The following MYRF variants were observed in gnomAD, a reference collection of about 807,000 sequenced individuals.
The protein encoded by MYRF is myelin gene regulatory factor.
Under a neutral mutation model 126.3 loss-of-function variants are expected in MYRF, and 16 were observed. The ratio of observed to expected loss-of-function variants is 0.13; its 90% CI spans 0.09 to 0.19. MYRF has a LOEUF of 0.19. MYRF is among the 10% of genes least tolerant of loss of function. MYRF has a pLI of 1.00. For synonymous variants in MYRF, 608 were observed against 635.3 expected, an observed-to-expected ratio of 0.96 and a Z score of 0.65; for missense variants, 1,104 against 1,547.0, an observed-to-expected ratio of 0.71 and a Z score of 4.80.
Position 61,778,878 on chromosome 11 carries a change from G to A in MYRF, c.2014-385G>A, listed in dbSNP as rs777923504. ...CTGTCCTGAGTCTGGGCGCCAAGGAGGCATGTAATAGGTCTCCACCCCAGC... is the reference window on the plus strand; with the variant it reads ...CTGTCCTGAGTCTGGGCGCCAAGGAAGCATGTAATAGGTCTCCACCCCAGC... On this transcript the variant is annotated intron_variant, in intron 14 of 26. Coordinates refer to ENST00000278836, the MANE Select transcript of MYRF (RefSeq NM_001127392.3). The surrounding 1 kb of genome is among the most constrained non-coding windows in gnomAD (Gnocchi z 4.6). 1.7e-4 allele frequency: 96 copies of A among 553,950 alleles called. No homozygotes were observed. The highest frequency in any genetic ancestry group is 3.0e-4 in the Non-Finnish European group (88 of 290,460). The allele number at this position is 553,950 out of a possible 1,614,324, so 34.3% of individuals were successfully genotyped here. A position where few individuals can be genotyped will look rare whatever the true frequency, so the allele number is the denominator to read the frequency against.
At chr11:61,775,850 T>G (rs2066365084) in intron 8 of MYRF, among the ~76,000 whole-genome samples, 1 of 138,092 alleles carries the variant, frequency 7.2e-6, no homozygotes. Context: ...CTGTGAGGGG[T>G]GAGGAGGGTG....
chr11:61,781,618 AGTCCTG>A lies in MYRF; in HGVS notation c.2812_2817del (p.Ser938_Trp939del). 6.2e-7 allele frequency: 1 copy of A among 1,613,940 alleles called. No homozygotes were observed. The highest frequency in any genetic ancestry group is 8.5e-7 in the Non-Finnish European group (1 of 1,180,022). Reference sequence around the variant, plus strand: ...CTGCCAGTCACCAACATCAGAGCCAAGTCCTGGGGTCTTTCAGTCAATGGCATTGGC... The same window carrying A: ...CTGCCAGTCACCAACATCAGAGCCAAGGGTCTTTCAGTCAATGGCATTGGC... On this transcript the variant is annotated inframe_deletion, in exon 22 of 27. Coordinates refer to ENST00000278836, the MANE Select transcript of MYRF (RefSeq NM_001127392.3).
chr11:61,778,947 G>A lies in MYRF; in HGVS notation c.2014-316G>A. 1 of 608,102 alleles carries A rather than the reference G, an allele frequency of 1.6e-6. No individual in the cohort carries two copies. Among genetic ancestry groups the A allele is most frequent in the East Asian group, 3.5e-5 (1 of 28,300 alleles). 37.7% of individuals were successfully genotyped at this position (608,102 alleles called of 1,614,324 possible). ...CATCTGAGACACCAGTCATCCGAGG[G>A]GCAGATCCCGGGGCTGCAGCCTTCA... On this transcript the variant is annotated intron_variant, in intron 14 of 26. Transcript: ENST00000278836. This position sits in a 1 kb window ranked among gnomAD's most constrained non-coding sequence, Gnocchi z 4.6.
intron 24 of MYRF, 46 bp from the exon 25 acceptor site, chr11:61,784,234 A>T: frequency 6.4e-7 from 1 of 1,568,408 alleles, no homozygotes; most frequent in South Asian, 1.1e-5. Context: ...GCTGGGGTTG[A>T]GGGACTCTAG....
At position 61,778,021 on chromosome 11, in the gene MYRF, G is replaced by T. The variant is rs138479069; in HGVS notation, c.1903+176G>T. 1.3e-5 allele frequency among the ~76,000 whole-genome samples: 2 copies of T among 152,270 alleles called. No individual in the cohort carries two copies. Among genetic ancestry groups the T allele is most frequent in the African/African-American group, 4.8e-5 (2 of 41,558 alleles). On this transcript the variant is annotated intron_variant, in intron 13 of 26. Transcript: ENST00000278836. The surrounding 1 kb of genome is among the most constrained non-coding windows in gnomAD (Gnocchi z 4.6). ...GACCTTGGAAAATCGCACCTCTCCA[G>T]GTCCCCGGAACCTCGCCCCATTGTC...
rs370300145 is a variant in MYRF at position 61,786,167 on chromosome 11, C to T, written c.*24C>T. On this transcript the variant is annotated 3_prime_UTR_variant, in exon 27 of 27. Coordinates refer to ENST00000278836, the MANE Select transcript of MYRF (RefSeq NM_001127392.3). This position sits in a 1 kb window ranked among gnomAD's most constrained non-coding sequence, Gnocchi z 4.5. The stretch of plus-strand genomic sequence containing the variant: ...GAGCTGCCCTCCTGAGGCAGCACCA[C>T]ACCAGGGACCAGGGGTGCCCAGGCA... 1 of 1,610,814 alleles carries T rather than the reference C, an allele frequency of 6.2e-7. No homozygotes were observed. The highest frequency in any genetic ancestry group is 8.5e-7 in the Non-Finnish European group (1 of 1,177,038).
At chr11:61,779,598 G>A in intron 16 of MYRF, 28 bp downstream of exon 16, 1 of 1,471,368 alleles carries the variant, frequency 6.8e-7, no homozygotes, top group East Asian at 2.4e-5. Flanking sequence ...TGGCAGGCGG[G>A]TTGGAAAGGG....
At chr11:61,775,987 G>C in intron 8 of MYRF, 69 bp from the exon 9 acceptor site, 1 of 1,475,974 alleles carries the variant, frequency 6.8e-7, no homozygotes, top group African/African-American at 1.4e-5. Context: ...GCCTGGCTGA[G>C]AGGGGGCAGG....
At position 61,781,796 on chromosome 11, in the gene MYRF, T is replaced by G. The variant is rs754040052; in HGVS notation, c.2988T>G (p.Ala996=). Residue 996 remains alanine (A), a synonymous_variant, in exon 22 of 27, where the codon GCT becomes GCG. Coordinates refer to ENST00000278836, the MANE Select transcript of MYRF (RefSeq NM_001127392.3). ...CCCTCCAGTCCAGCGTGGGCCCTGC[T>G]GAGCCCACCTGGGCCCAGGGCCAGT... ...RGALQSSVGP[A]EPTWAQGQSA... is the part of the protein sequence containing the mutation. The G allele has an allele frequency of 6.3e-7, 1 of 1,588,406 alleles. No individual in the cohort carries two copies. The highest frequency in any genetic ancestry group is 8.5e-7 in the Non-Finnish European group (1 of 1,169,666).
intron 1 of MYRF, among the ~76,000 whole-genome samples, chr11:61,754,886 C>T (rs1344251050): frequency 6.6e-6 from 1 of 152,214 alleles, no homozygotes; most frequent in Non-Finnish European, 1.5e-5. Context: ...GGGGAAGGCC[C>T]ATGTGGGGGA....
intron 1 of MYRF, among the ~76,000 whole-genome samples, chr11:61,763,864 C>CA (rs900290691): frequency 0.013 from 1,861 of 145,592 alleles, 37 homozygotes; most frequent in African/African-American, 0.04. Flanking sequence ...GACTCAGTCT[C>CA]AAAAAAAAAA....
In MYRF at chr11:61,757,195, C is replaced by A. The variant is rs866021397; in HGVS notation, c.46+4405C>A. 1 of 456,748 alleles carries A rather than the reference C, an allele frequency of 2.2e-6. No homozygotes were observed. The highest frequency in any genetic ancestry group is 4.4e-6 in the Non-Finnish European group (1 of 226,964). 28.3% of individuals were successfully genotyped at this position (456,748 alleles called of 1,614,324 possible). A position where few individuals can be genotyped will look rare whatever the true frequency, so the allele number is the denominator to read the frequency against. The stretch of plus-strand genomic sequence containing the variant: ...TCTCCTATCTCCAGGCCTTCAGCCC[C>A]GGCTGCCACGGGGTGTGGGTACCTC... On this transcript the variant is annotated intron_variant, in intron 1 of 26. Coordinates refer to ENST00000278836, the MANE Select transcript of MYRF (RefSeq NM_001127392.3). The surrounding 1 kb of genome is among the most constrained non-coding windows in gnomAD (Gnocchi z 4.7).
Position 61,780,721 on chromosome 11 carries a change from C to T in MYRF, c.2415C>T (p.Ala805=), listed in dbSNP as rs142182853. The T allele has an allele frequency of 1.0e-3, 1,552 of 1,549,876 alleles. 11 individuals are homozygous for T. Among genetic ancestry groups the T allele is most frequent in the South Asian group, 4.9e-3 (413 of 84,068 alleles). The change falls in exon 19 of 27, where the codon GCC becomes GCT. Residue 805 remains alanine, a synonymous_variant. Transcript: ENST00000278836. ...EDLVDTDGSF[A]VSTSCLLALL... is the part of the protein sequence containing the mutation. ...TTTTGCTGCCCCTTAGCTCTTTTGCCGTGTCCACTTCCTGTCTCCTGGCCC... is the reference window on the plus strand; with the variant it reads ...TTTTGCTGCCCCTTAGCTCTTTTGCTGTGTCCACTTCCTGTCTCCTGGCCC...
chr11:61,777,513 C>T lies in MYRF; in HGVS notation c.1791+49C>T. ...GGGCGGGTCCAGACGCTGGAGCGGG[C>T]CGCGGGGGCGGGGCTCCTGGGGAGG... On this transcript the variant is annotated intron_variant, in intron 12 of 26. Transcript: ENST00000278836. The surrounding 1 kb of genome is among the most constrained non-coding windows in gnomAD (Gnocchi z 8.8). 6.5e-7 allele frequency: 1 copy of T among 1,528,308 alleles called. No homozygotes were observed. The highest frequency in any genetic ancestry group is 8.9e-7 in the Non-Finnish European group (1 of 1,129,832). The allele number at this position is 1,528,308 out of a possible 1,614,324, so 94.7% of individuals were successfully genotyped here. A position where few individuals can be genotyped will look rare whatever the true frequency, so the allele number is the denominator to read the frequency against.
intron 8 of MYRF, among the ~76,000 whole-genome samples, chr11:61,775,205 C>T (rs2066342619): frequency 6.6e-6 from 1 of 152,216 alleles, no homozygotes; most frequent in Non-Finnish European, 1.5e-5. Context: ...GGCCACAGCA[C>T]TCCCTATCCT....
Position 61,783,442 on chromosome 11 carries a change from G to T in MYRF, c.3017-56G>T, listed in dbSNP as rs2066605827. 1 of 1,398,630 alleles carries T rather than the reference G, an allele frequency of 7.1e-7. No homozygotes were observed. The highest frequency in any genetic ancestry group is 2.3e-5 in the East Asian group (1 of 43,530). The allele number at this position is 1,398,630 out of a possible 1,614,324, so 86.6% of individuals were successfully genotyped here. A position where few individuals can be genotyped will look rare whatever the true frequency, so the allele number is the denominator to read the frequency against. ...GACTGCTTCAAGTCTGGCAAGGAAA[G>T]ACTTGCCAGCTTCTCATTTGTGTCC... On this transcript the variant is annotated intron_variant, in intron 22 of 26. Coordinates refer to ENST00000278836, the MANE Select transcript of MYRF (RefSeq NM_001127392.3). This position sits in a 1 kb window ranked among gnomAD's most constrained non-coding sequence, Gnocchi z 4.6.
At chr11:61,769,375 G>T (rs2066146138) in intron 4 of MYRF, 54 bp downstream of exon 4, 2 of 1,460,850 alleles carry the variant, frequency 1.4e-6, no homozygotes, top group South Asian at 2.4e-5. Flanking sequence ...AGTAGTTGGG[G>T]CGGCCTTATC....
chr11:61,779,300 A>G lies in MYRF; in HGVS notation c.2051A>G (p.Glu684Gly). 6.5e-7 allele frequency: 1 copy of G among 1,548,888 alleles called. No homozygotes were observed. The highest frequency in any genetic ancestry group is 8.7e-7 in the Non-Finnish European group (1 of 1,146,856). The change falls in exon 15 of 27, where the codon GAG (glutamate) becomes GGG (glycine). Residue 684 changes from glutamate to glycine, a missense_variant. Physicochemically the swap from Glu to Gly is moderately conservative, Grantham distance 98. Coordinates refer to ENST00000278836, the MANE Select transcript of MYRF (RefSeq NM_001127392.3). ...ATGGAGAACGTAGGGGCCGTGAAGGAGCTGTGCAAGCTGACAGACAACCTG... is the reference window on the plus strand; with the variant it reads ...ATGGAGAACGTAGGGGCCGTGAAGGGGCTGTGCAAGCTGACAGACAACCTG... ...IFMENVGAVK[E>G]LCKLTDNLET...
chr11:61,766,950 C>T (rs1210097645), intron 3 of MYRF: 1 of 452,634 alleles, frequency 2.2e-6, no homozygotes, highest in East Asian at 7.0e-5. Flanking sequence ...TTCAGACAGC[C>T]TGGCTCCAAC....
Sources: allele counts gnomAD v4.1 joint callset (sites outside exome capture counted in the v4.1 genomes callset), GRCh38; gene constraint gnomAD v4.1.1; non-coding constraint Gnocchi (gnomAD v3.1); transcripts MANE v1.5; gene names NCBI Gene and HGNC (gene_info 2026-07-23, HGNC 2026-07-21).